The following NAV3 variants were observed in gnomAD, a reference collection of about 807,000 sequenced individuals.
NAV3 encodes the protein pore membrane and/or filament interacting like protein 1.
In NAV3, 87 loss-of-function variants were observed where a neutral mutation model predicts 244.7. The ratio of observed to expected loss-of-function variants is 0.36; its 90% confidence interval spans 0.30 to 0.42. NAV3 has a LOEUF of 0.42. Among genes scored for constraint, NAV3 ranks in the 20% least tolerant of loss-of-function variants. The pLI, the probability that NAV3 is intolerant of heterozygous loss-of-function variation, is 1.00. For missense variants in NAV3, 2,663 were observed against 2,893.3 expected, an observed-to-expected ratio of 0.92 and a Z score of 1.83; for synonymous variants, 1,126 against 1,042.2, an observed-to-expected ratio of 1.08 and a Z score of -1.55.
At chr12:78,133,800 C>G (rs944443363) in intron 18 of NAV3, among the ~76,000 whole-genome samples, 1 of 152,046 alleles carries the variant, frequency 6.6e-6, no homozygotes, top group African/African-American at 2.4e-5. Flanking sequence ...GATGAAACTT[C>G]ATTTGGGAAA....
chr12:77,595,137 C>T (rs1223250365), intron 2 of NAV3, among the ~76,000 whole-genome samples: 1 of 151,760 alleles, frequency 6.6e-6, no homozygotes, highest in Non-Finnish European at 1.5e-5. Flanking sequence ...TCACAATAGC[C>T]AAGATATGGA....
intron 2 of NAV3, among the ~76,000 whole-genome samples, chr12:77,637,283 G>A (rs1000553256): frequency 6.6e-6 from 1 of 151,976 alleles, no homozygotes; most frequent in African/African-American, 2.4e-5. Context: ...AACCATCACT[G>A]AGGTGTAAAA....
At chr12:78,155,885 G>T (rs760623124) in intron 22 of NAV3, among the ~76,000 whole-genome samples, 75 of 152,076 alleles carry the variant, frequency 4.9e-4, no homozygotes, top group Non-Finnish European at 5.1e-4. Flanking sequence ...GTTCCTTGTA[G>T]ACTCTAGATA....
At chr12:77,766,735 G>GTTTGTTTGTTTTTTTTTTTTT (rs1555202961) in intron 2 of NAV3, among the ~76,000 whole-genome samples, 4 of 60,516 alleles carry the variant, frequency 6.6e-5, no homozygotes, top group Non-Finnish European at 9.1e-5. Context: ...AGGCAATTAA[G>GTTTGTTTGTTTTTTTTTTTTT]TTTTTTTTTT....
In NAV3 at chr12:78,188,851, T is replaced by C. The variant is rs1468942501; in HGVS notation, c.6055+74T>C. The C allele has an allele frequency of 3.5e-6, 5 of 1,436,060 alleles. No individual in the cohort carries two copies. In the Admixed American group the frequency reaches 8.7e-5, roughly 25 times the overall value. 89.0% of individuals were successfully genotyped at this position (1,436,060 alleles called of 1,614,324 possible). On this transcript the variant is annotated intron_variant, in intron 33 of 39. Transcript: ENST00000397909. The stretch of plus-strand genomic sequence containing the variant: ...TTTTATTCTGCCCCCCGCCCCTTTT[T>C]GGCCAGTTTCCCTTAAAATTTTTCT...
At chr12:78,128,249 A>T (rs1297535781) in intron 17 of NAV3, among the ~76,000 whole-genome samples, 1 of 144,402 alleles carries the variant, frequency 6.9e-6, no homozygotes, top group African/African-American at 2.6e-5. Context: ...CAGTTTAACA[A>T]AAGAACTGTT....
chr12:77,605,946 G>A (rs531465771), intron 2 of NAV3, among the ~76,000 whole-genome samples: 5 of 152,076 alleles, frequency 3.3e-5, no homozygotes, highest in South Asian at 2.1e-4. Context: ...TATTGCATGC[G>A]ATTCCACAGG....
rs535482139 is a variant in NAV3 at position 77,754,252 on chromosome 12, G to A, written c.72+181986G>A. On this transcript the variant is annotated intron_variant, in intron 2 of 8. Coordinates refer to the NAV3 transcript ENST00000550042. ...TCAAGCTGATATTGGCATGAGATTA[G>A]GGAATACCAACGCCCCAGTCACATG... 3.9e-5 allele frequency among the ~76,000 whole-genome samples: 6 copies of A among 152,150 alleles called. No homozygotes were observed. The South Asian group carries it at 1.2e-3, about 32-fold the overall frequency.
intron 18 of NAV3, among the ~76,000 whole-genome samples, chr12:78,135,392 A>G (rs970952580): frequency 2.0e-5 from 3 of 152,194 alleles, no homozygotes; most frequent in African/African-American, 7.2e-5. Context: ...AATGCAAACT[A>G]TTCCCTTTAA....
At chr12:77,726,213 G>T (rs1380785725) in intron 2 of NAV3, among the ~76,000 whole-genome samples, 1 of 151,824 alleles carries the variant, frequency 6.6e-6, no homozygotes, top group Non-Finnish European at 1.5e-5. Flanking sequence ...TGTGTAATTT[G>T]TTTAGCATTT....
At chr12:78,207,695 C>G (rs1960468464) in intron 39 of NAV3, among the ~76,000 whole-genome samples, 1 of 152,146 alleles carries the variant, frequency 6.6e-6, no homozygotes, top group South Asian at 2.1e-4. Flanking sequence ...GGGAACTATA[C>G]ACCAGTTGGT....
At chr12:78,189,102 G>C (rs1333414948) in intron 33 of NAV3, among the ~76,000 whole-genome samples, 1 of 151,812 alleles carries the variant, frequency 6.6e-6, no homozygotes, top group African/African-American at 2.4e-5. Context: ...AAAACATTTA[G>C]TGTGTATTCC....
intron 1 of NAV3, among the ~76,000 whole-genome samples, chr12:77,863,653 G>A (rs542760265): frequency 4.6e-5 from 7 of 151,486 alleles, no homozygotes; most frequent in East Asian, 1.9e-4. Flanking sequence ...AAATGTTTAC[G>A]GAATTCATCC....
chr12:77,862,635 G>A (rs1879416635), intron 1 of NAV3, among the ~76,000 whole-genome samples: 1 of 151,656 alleles, frequency 6.6e-6, no homozygotes, highest in African/African-American at 2.4e-5. Flanking sequence ...CCAAGCAAAT[G>A]ATAACAAAAA....
chr12:77,681,749 A>T (rs531054826), intron 2 of NAV3, among the ~76,000 whole-genome samples: 2 of 152,332 alleles, frequency 1.3e-5, no homozygotes, highest in Admixed American at 1.3e-4. Context: ...TATTAAACTC[A>T]TGTAACTAAC....
At chr12:77,881,639 C>CT (rs1474099361) in intron 1 of NAV3, among the ~76,000 whole-genome samples, 1 of 152,068 alleles carries the variant, frequency 6.6e-6, no homozygotes, top group Non-Finnish European at 1.5e-5. Flanking sequence ...GTCAAACTGT[C>CT]TTTCTTCCCT....
chr12:77,625,344 A>G (rs1871570433), intron 2 of NAV3, among the ~76,000 whole-genome samples: 1 of 152,168 alleles, frequency 6.6e-6, no homozygotes, highest in South Asian at 2.1e-4. Flanking sequence ...TATGCATTTA[A>G]TAACTAATTG....
At chr12:77,800,947 A>G (rs1871674120) in intron 2 of NAV3, among the ~76,000 whole-genome samples, 1 of 152,152 alleles carries the variant, frequency 6.6e-6, no homozygotes, top group African/African-American at 2.4e-5. Flanking sequence ...AGATTATAAG[A>G]TTTTATTAAA....
At chr12:77,628,785 G>A (rs1394878506) in intron 2 of NAV3, among the ~76,000 whole-genome samples, 1 of 151,724 alleles carries the variant, frequency 6.6e-6, no homozygotes, top group East Asian at 1.9e-4. Context: ...CAGCTACTGG[G>A]GAGGCTGAGA....
Sources: gnomAD v4.1 joint callset for allele counts (sites outside exome capture counted in the v4.1 genomes callset) on GRCh38, gnomAD v4.1.1 for gene constraint, MANE v1.5 for transcripts, NCBI Gene and HGNC (gene_info 2026-07-23, HGNC 2026-07-21) for gene names.